DNAH14: variants seen among roughly 807,000 people sequenced by gnomAD.
The protein encoded by DNAH14 is dynein axonemal heavy chain 14, also known as axonemal beta dynein heavy chain 14.
Under a neutral mutation model 520.9 loss-of-function variants are expected in DNAH14, and 478 were observed. That is an observed-to-expected ratio of 0.92 (90% CI 0.85 to 0.99). The LOEUF (loss-of-function observed/expected upper bound fraction) is 0.99, where lower values mean the gene tolerates loss of function less well. Ranked by LOEUF, DNAH14 falls within the 50% of genes least tolerant of loss-of-function variation. The pLI is 0.00. For synonymous variants in DNAH14, 1,581 were observed against 1,757.2 expected, an observed-to-expected ratio of 0.90 and a Z score of 2.51; for missense variants, 4,831 against 5,234.5, an observed-to-expected ratio of 0.92 and a Z score of 2.38.
intron 37 of DNAH14, among the ~76,000 whole-genome samples, chr1:225,188,451 T>G (rs568230334): frequency 2.0e-5 from 3 of 152,080 alleles, no homozygotes; most frequent in African/African-American, 4.8e-5. Flanking sequence ...TGTTAACATC[T>G]TACTGTGCCT....
intron 69 of DNAH14, among the ~76,000 whole-genome samples, chr1:225,345,492 T>C (rs748361322): frequency 1.3e-5 from 2 of 152,238 alleles, no homozygotes; most frequent in Non-Finnish European, 2.9e-5. Flanking sequence ...TTGCAATCTA[T>C]TAGTGGGTTG....
chr1:225,019,431 A>G (rs2065478612), intron 10 of DNAH14, among the ~76,000 whole-genome samples: 1 of 152,226 alleles, frequency 6.6e-6, no homozygotes, highest in African/African-American at 2.4e-5. Flanking sequence ...ACAAGTACTG[A>G]GAGTCCTACA....
chr1:225,292,126 T>G (rs2093906309), intron 55 of DNAH14, among the ~76,000 whole-genome samples: 1 of 152,208 alleles, frequency 6.6e-6, no homozygotes, highest in Admixed American at 6.5e-5. Flanking sequence ...TTGTTTATAT[T>G]TGCTTTTGTT....
intron 23 of DNAH14, among the ~76,000 whole-genome samples, chr1:225,101,738 AT>A (rs1245465899): frequency 6.6e-6 from 1 of 151,874 alleles, no homozygotes; most frequent in Non-Finnish European, 1.5e-5. Flanking sequence ...TATATACCAC[AT>A]TTTCTTTATC....
chr1:225,182,378 T>A (rs563025142), intron 36 of DNAH14, among the ~76,000 whole-genome samples: 4 of 152,100 alleles, frequency 2.6e-5, no homozygotes, highest in African/African-American at 7.2e-5. Flanking sequence ...AAATGGGAAA[T>A]GTGAATATCT....
chr1:225,075,992 G>GCCTGGGTCAACAGATGGGAAGT (rs1477748293), intron 17 of DNAH14, among the ~76,000 whole-genome samples: 1 of 13,028 alleles, frequency 7.7e-5, no homozygotes, highest in Non-Finnish European at 6.5e-3. Flanking sequence ...GGCTGGTCCA[G>GCCTGGGTCAACAGATGGGAAGT]CCTAGGGCCT....
chr1:225,202,676 G>A (rs910708189), intron 38 of DNAH14, among the ~76,000 whole-genome samples: 1 of 152,176 alleles, frequency 6.6e-6, no homozygotes, highest in Non-Finnish European at 1.5e-5. Flanking sequence ...CTGCACACTG[G>A]ATTCACGCCC....
intron 21 of DNAH14, among the ~76,000 whole-genome samples, chr1:225,087,362 G>C (rs2073935482): frequency 6.6e-6 from 1 of 152,212 alleles, no homozygotes; most frequent in Admixed American, 6.5e-5. Context: ...GAGCCCTCAT[G>C]ATCTAATAAC....
intron 60 of DNAH14, among the ~76,000 whole-genome samples, chr1:225,313,063 A>G (rs1325221532): frequency 6.6e-6 from 1 of 152,166 alleles, no homozygotes; most frequent in Non-Finnish European, 1.5e-5. Context: ...CTGTTAATCC[A>G]TCTGGTCCTG....
At chr1:225,111,047 A>G (rs183805777) in intron 23 of DNAH14, among the ~76,000 whole-genome samples, 2 of 152,168 alleles carry the variant, frequency 1.3e-5, no homozygotes, top group African/African-American at 4.8e-5. Context: ...CTAACATATC[A>G]TTCTTTGAAA....
At position 225,007,360 on chromosome 1, in the gene DNAH14, T is replaced by C. The variant is rs2064257639; in HGVS notation, c.976-53T>C. On this transcript the variant is annotated intron_variant, in intron 9 of 85. Coordinates refer to ENST00000682510, the MANE Select transcript of DNAH14 (RefSeq NM_001367479.1). Reference sequence around the variant, plus strand: ...GAAAAGACCAAATATTTTATCTTTTTTAAATATGAATTTTGACTTTCTAAC... The same window carrying C: ...GAAAAGACCAAATATTTTATCTTTTCTAAATATGAATTTTGACTTTCTAAC... 2.9e-6 allele frequency: 4 copies of C among 1,376,632 alleles called. No homozygotes were observed. In the South Asian group the frequency reaches 6.6e-5, roughly 23 times the overall value. The allele number at this position is 1,376,632 out of a possible 1,614,324, so 85.3% of individuals were successfully genotyped here.
chr1:225,064,930 T>C (rs75077685), intron 17 of DNAH14, among the ~76,000 whole-genome samples: 8,376 of 152,036 alleles, frequency 0.055, 474 homozygotes, highest in East Asian at 0.24. Flanking sequence ...CACAAATGAT[T>C]TTTTTAAAAA....
chr1:225,179,997 C>T (rs2083782092), intron 36 of DNAH14, among the ~76,000 whole-genome samples: 1 of 152,110 alleles, frequency 6.6e-6, no homozygotes, highest in African/African-American at 2.4e-5. Flanking sequence ...ATCAGAACCC[C>T]TTTAAGTGTT....
At chr1:225,180,174 T>A (rs553608396) in intron 36 of DNAH14, among the ~76,000 whole-genome samples, 1 of 152,324 alleles carries the variant, frequency 6.6e-6, no homozygotes, top group South Asian at 2.1e-4. Flanking sequence ...AAGTTTTCTG[T>A]TATTATTTCT....
intron 27 of DNAH14, among the ~76,000 whole-genome samples, chr1:225,135,618 C>T (rs1163387132): frequency 6.6e-6 from 1 of 152,046 alleles, no homozygotes; most frequent in African/African-American, 2.4e-5. Context: ...TGTTGTGTGG[C>T]TATGAGAAGA....
chr1:225,110,056 T>C (rs1332847387), intron 23 of DNAH14, among the ~76,000 whole-genome samples: 2 of 152,166 alleles, frequency 1.3e-5, no homozygotes, highest in African/African-American at 4.8e-5. Flanking sequence ...ATAAATCACC[T>C]TTTAAATGTG....
At chr1:224,938,769 G>T (rs2059206616) in intron 1 of DNAH14, among the ~76,000 whole-genome samples, 1 of 152,200 alleles carries the variant, frequency 6.6e-6, no homozygotes, top group Non-Finnish European at 1.5e-5. Context: ...ATTCATAGTA[G>T]CCAAAATATG....
chr1:225,209,076 C>A (rs967429678), intron 41 of DNAH14, among the ~76,000 whole-genome samples: 1 of 152,048 alleles, frequency 6.6e-6, no homozygotes, highest in Admixed American at 6.6e-5. Flanking sequence ...AACATCTGGC[C>A]ATCTCTGGGT....
intron 10 of DNAH14, among the ~76,000 whole-genome samples, chr1:225,013,489 G>A (rs1040759699): frequency 6.6e-6 from 1 of 152,180 alleles, no homozygotes; most frequent in Non-Finnish European, 1.5e-5. Context: ...CACTGTGCTG[G>A]GAGATCTGTT....
Sources: allele counts gnomAD v4.1 joint callset (sites outside exome capture counted in the v4.1 genomes callset), GRCh38; gene constraint gnomAD v4.1.1; transcripts MANE v1.5; gene names NCBI Gene and HGNC (gene_info 2026-07-23, HGNC 2026-07-21).